PTH2R: variants seen among roughly 807,000 people sequenced by gnomAD.
The protein encoded by PTH2R is parathyroid hormone 2 receptor, also known as PTH2 receptor.
Under a neutral mutation model 60.3 loss-of-function variants are expected in PTH2R, and 59 were observed. That is an observed-to-expected ratio of 0.98 (90% CI 0.79 to 1.22). The LOEUF (loss-of-function observed/expected upper bound fraction) is 1.22, where lower values mean the gene tolerates loss of function less well. Among genes scored for constraint, PTH2R ranks in the 50% most tolerant of loss-of-function variants. The probability of loss-of-function intolerance (pLI) is 0.00; values close to 1 mark genes in which losing one functional copy is unlikely to be tolerated. For synonymous variants in PTH2R, 256 were observed against 243.8 expected, an observed-to-expected ratio of 1.05 and a Z score of -0.47; for missense variants, 749 against 682.6, an observed-to-expected ratio of 1.10 and a Z score of -1.08.
chr2:208,406,180 G>T (rs1424374295), upstream of PTH2R, among the ~76,000 whole-genome samples: 2 of 152,054 alleles, frequency 1.3e-5, no homozygotes, highest in Non-Finnish European at 2.9e-5. Flanking sequence ...AAGAACAAGA[G>T]ATTTTAAAAG....
chr2:208,484,414 C>T (rs1440281292), intron 10 of PTH2R, among the ~76,000 whole-genome samples: 1 of 152,184 alleles, frequency 6.6e-6, no homozygotes, highest in Non-Finnish European at 1.5e-5. Flanking sequence ...TATCCTTTAA[C>T]CAGTTTCCCT....
In PTH2R at chr2:208,384,358, A is replaced by T. The variant is rs543747644; in HGVS notation, c.-259+24121A>T. Among the ~76,000 whole-genome samples the T allele has an allele frequency of 4.6e-5, 7 of 152,336 alleles. No individual in the cohort carries two copies. The East Asian group carries it at 1.4e-3, about 29-fold the overall frequency. On this transcript the variant is annotated intron_variant, in intron 1 of 12. Coordinates refer to the PTH2R transcript ENST00000617735. ...AGGGCATGACAGTGTGGAGAAATGC[A>T]TGAAAGTATGAAGGATCGTGATATC... is the stretch of plus-strand genomic sequence containing the variant.
chr2:208,377,404 G>T (rs1222895001), intron 1 of PTH2R, among the ~76,000 whole-genome samples: 1 of 151,858 alleles, frequency 6.6e-6, no homozygotes, highest in East Asian at 1.9e-4. Flanking sequence ...CCCAGACGGG[G>T]TGGTGGCCGG....
chr2:208,469,347 CCTTA>C (rs1419115661), intron 9 of PTH2R, among the ~76,000 whole-genome samples: 2 of 152,088 alleles, frequency 1.3e-5, no homozygotes, highest in East Asian at 3.9e-4. Context: ...AAATTAGATC[CCTTA>C]CTTAATTCTG....
intron 2 of PTH2R, among the ~76,000 whole-genome samples, chr2:208,430,843 G>T (rs986035917): frequency 6.6e-6 from 1 of 152,122 alleles, no homozygotes; most frequent in African/African-American, 2.4e-5. Flanking sequence ...GGGATTGCAG[G>T]TGTGAGCCAG....
In PTH2R at chr2:208,493,891, A is replaced by C; in HGVS notation, c.*232A>C. On this transcript the variant is annotated 3_prime_UTR_variant, in exon 13 of 13. Coordinates refer to ENST00000272847, the MANE Select transcript of PTH2R (RefSeq NM_005048.4). Reference sequence around the variant, plus strand: ...TTGGCATCAAGTTTTCCTCTAAATTAATGTATGGTATTTGCTCTGTGATTG... The same window carrying C: ...TTGGCATCAAGTTTTCCTCTAAATTCATGTATGGTATTTGCTCTGTGATTG... The C allele has an allele frequency of 2.6e-6, 1 of 391,738 alleles. No homozygotes were observed. The highest frequency in any genetic ancestry group is 4.0e-5 in the East Asian group (1 of 25,134). The allele number at this position is 391,738 out of a possible 1,614,324, so 24.3% of individuals were successfully genotyped here. A position where few individuals can be genotyped will look rare whatever the true frequency, so the allele number is the denominator to read the frequency against.
At chr2:208,437,475 T>A in intron 2 of PTH2R, 62 bp from the exon 3 acceptor site, 1 of 1,430,736 alleles carries the variant, frequency 7.0e-7, no homozygotes, top group Non-Finnish European at 9.5e-7. Flanking sequence ...TGAATGCATT[T>A]GTTCTCTGGT....
intron 1 of PTH2R, among the ~76,000 whole-genome samples, chr2:208,369,368 C>CTT (rs1256110457): frequency 2.1e-5 from 3 of 143,560 alleles, no homozygotes; most frequent in African/African-American, 8.2e-5. Flanking sequence ...TGGTCTCTCT[C>CTT]TCTTTTTTTT....
In PTH2R at chr2:208,407,095, A is replaced by G; in HGVS notation, c.52A>G (p.Ser18Gly). Residue 18 changes from serine to glycine, a missense_variant, in exon 1 of 13, where the codon AGC becomes GGC. Coordinates refer to ENST00000272847, the MANE Select transcript of PTH2R (RefSeq NM_005048.4). Reference protein sequence around the residue: ...LHVWGWLMLGSCLLARAQLDS... With the variant: ...LHVWGWLMLGGCLLARAQLDS... Reference sequence around the variant, plus strand: ...CGTCTGGGGTTGGCTAATGCTCGGCAGCTGCCTCCTGGCCAGAGCCCAGGT... The same window carrying G: ...CGTCTGGGGTTGGCTAATGCTCGGCGGCTGCCTCCTGGCCAGAGCCCAGGT... The G allele has an allele frequency of 7.2e-7, 1 of 1,396,104 alleles. No homozygotes were observed. Among genetic ancestry groups the G allele is most frequent in the Non-Finnish European group, 9.4e-7 (1 of 1,067,974 alleles). 86.5% of individuals were successfully genotyped at this position (1,396,104 alleles called of 1,614,324 possible).
chr2:208,361,533 G>T, intron 1 of PTH2R, among the ~76,000 whole-genome samples: 1 of 151,862 alleles, frequency 6.6e-6, no homozygotes, highest in African/African-American at 2.4e-5. Context: ...GTATAATTGT[G>T]TTGTTGTGAA....
At chr2:208,387,444 A>G (rs893403814) in intron 1 of PTH2R, among the ~76,000 whole-genome samples, 3 of 152,204 alleles carry the variant, frequency 2.0e-5, no homozygotes, top group African/African-American at 7.2e-5. Flanking sequence ...CACAAAAGAC[A>G]CACTCTCCTA....
chr2:208,387,698 C>T (rs1701027232), intron 1 of PTH2R, among the ~76,000 whole-genome samples: 1 of 152,170 alleles, frequency 6.6e-6, no homozygotes, highest in Admixed American at 6.5e-5. Flanking sequence ...CTCTATTATA[C>T]CATCATACTA....
intron 1 of PTH2R, among the ~76,000 whole-genome samples, chr2:208,361,882 T>C (rs994277042): frequency 1.3e-5 from 2 of 152,240 alleles, no homozygotes; most frequent in Non-Finnish European, 2.9e-5. Context: ...TGTGTCACCT[T>C]GACGGGGCAA....
chr2:208,404,074 TG>T (rs1322133604), upstream of PTH2R, among the ~76,000 whole-genome samples: 2 of 152,156 alleles, frequency 1.3e-5, no homozygotes, highest in African/African-American at 4.8e-5. Context: ...CCAAGAGTTT[TG>T]GGGGCATATT....
At chr2:208,452,018 T>C (rs1702416370) in intron 8 of PTH2R, among the ~76,000 whole-genome samples, 1 of 152,202 alleles carries the variant, frequency 6.6e-6, no homozygotes, top group Non-Finnish European at 1.5e-5. Context: ...CATGATCTCT[T>C]TGTGTATCAG....
chr2:208,433,055 A>G (rs890849972), intron 2 of PTH2R, among the ~76,000 whole-genome samples: 2 of 152,208 alleles, frequency 1.3e-5, no homozygotes, highest in Admixed American at 6.5e-5. Flanking sequence ...TCACAAAGAC[A>G]TTTCAAAAGA....
chr2:208,398,009 T>G (rs1416195526), intron 1 of PTH2R, among the ~76,000 whole-genome samples: 2 of 152,224 alleles, frequency 1.3e-5, no homozygotes, highest in Admixed American at 1.3e-4. Flanking sequence ...AAATAATTTT[T>G]TAATAACTCC....
At chr2:208,383,965 G>T (rs1001984835) in intron 1 of PTH2R, among the ~76,000 whole-genome samples, 1 of 152,342 alleles carries the variant, frequency 6.6e-6, no homozygotes, top group East Asian at 1.9e-4. Flanking sequence ...GAGGATGGGG[G>T]CATGAGGAAA....
intron 1 of PTH2R, among the ~76,000 whole-genome samples, chr2:208,422,478 C>T (rs1274477183): frequency 6.6e-6 from 1 of 151,982 alleles, no homozygotes; most frequent in East Asian, 1.9e-4. Context: ...AATATCTTTC[C>T]AAGAGAATAT....
Sources: allele counts gnomAD v4.1 joint callset (sites outside exome capture counted in the v4.1 genomes callset), GRCh38; gene constraint gnomAD v4.1.1; transcripts MANE v1.5; gene names NCBI Gene and HGNC (gene_info 2026-07-23, HGNC 2026-07-21).